CNNM1: variants seen among roughly 807,000 people sequenced by gnomAD.
The protein encoded by CNNM1 is cyclin and CBS domain divalent metal cation transport mediator 1, also known as metal transporter CNNM1.
CNNM1 carries 44 observed loss-of-function variants against 78.8 expected under a neutral mutation model. The ratio of observed to expected loss-of-function variants is 0.56; its 90% CI spans 0.44 to 0.72. The LOEUF is 0.72. CNNM1 is among the 30% of genes least tolerant of loss of function. The pLI, the probability that CNNM1 is intolerant of heterozygous loss-of-function variation, is 0.00. For missense variants in CNNM1, 1,101 were observed against 1,292.2 expected, an observed-to-expected ratio of 0.85 and a Z score of 2.27; for synonymous variants, 584 against 581.5, an observed-to-expected ratio of 1.00 and a Z score of -0.06.
intron 1 of CNNM1, among the ~76,000 whole-genome samples, chr10:99,341,095 A>G (rs564184718): frequency 2.6e-5 from 4 of 152,268 alleles, no homozygotes; most frequent in Middle Eastern, 3.4e-3. Flanking sequence ...CATATAATAG[A>G]TAGACTTGGT....
At chr10:99,346,617 T>G in intron 1 of CNNM1, among the ~76,000 whole-genome samples, 1 of 152,186 alleles carries the variant, frequency 6.6e-6, no homozygotes, top group East Asian at 1.9e-4. Context: ...TAATTGCCAC[T>G]GAACATCTCC....
intron 1 of CNNM1, among the ~76,000 whole-genome samples, chr10:99,351,469 C>T (rs1201215062): frequency 1.3e-5 from 2 of 152,104 alleles, no homozygotes; most frequent in Non-Finnish European, 2.9e-5. Flanking sequence ...AGCATTTGCC[C>T]AGAGAAAGAT....
Position 99,371,632 on chromosome 10 carries a change from T to C in CNNM1, c.2177-5423T>C, listed in dbSNP as rs575167630. On this transcript the variant is annotated intron_variant, in intron 6 of 10. Coordinates refer to ENST00000356713, the MANE Select transcript of CNNM1 (RefSeq NM_020348.3). Reference sequence around the variant, plus strand: ...CTTTGCAAAATGTGGTAAGTGGAAATATTCCTTCGGGTTGGCTCTTGTGTG... The same window carrying C: ...CTTTGCAAAATGTGGTAAGTGGAAACATTCCTTCGGGTTGGCTCTTGTGTG... 8.7e-4 allele frequency among the ~76,000 whole-genome samples: 133 copies of C among 152,166 alleles called. 3 individuals carry two copies. Among genetic ancestry groups the C allele is most frequent in the South Asian group, 1.7e-3 (8 of 4,826 alleles).
At chr10:99,330,984 C>T (rs571185899) in intron 1 of CNNM1, 24 bp downstream of exon 1, 2 of 1,583,948 alleles carry the variant, frequency 1.3e-6, no homozygotes, top group African/African-American at 2.7e-5. Flanking sequence ...TATCTTCTCC[C>T]CCAACTCCTA....
Position 99,365,544 on chromosome 10 carries a change from T to C in CNNM1, c.2176+542T>C, listed in dbSNP as rs571631179. Among the ~76,000 whole-genome samples, 117 of 152,306 alleles carry C rather than the reference T, an allele frequency of 7.7e-4. No homozygotes were observed. The South Asian group carries it at 0.012, about 16-fold the overall frequency. On this transcript the variant is annotated intron_variant, in intron 6 of 10. Transcript: ENST00000356713. ...GTATCTGCCAGCTGGCTGTGCATGCTGTTGGTGGGGGGCAGGCACAGGGCT... is the reference window on the plus strand; with the variant it reads ...GTATCTGCCAGCTGGCTGTGCATGCCGTTGGTGGGGGGCAGGCACAGGGCT...
intron 2 of CNNM1, among the ~76,000 whole-genome samples, chr10:99,358,935 G>A (rs2031325254): frequency 6.8e-6 from 1 of 147,900 alleles, no homozygotes; most frequent in South Asian, 2.2e-4. Flanking sequence ...GGAGGTCCTG[G>A]CTGCAGTGAG....
Position 99,394,192 on chromosome 10 carries a change from C to G in CNNM1, c.*2676C>G, listed in dbSNP as rs982119624. 1 of 152,374 alleles carries G rather than the reference C, an allele frequency of 6.6e-6. No individual in the cohort carries two copies. Among genetic ancestry groups the G allele is most frequent in the African/African-American group, 2.4e-5 (1 of 41,380 alleles). The allele number at this position is 152,374 out of a possible 1,614,324, so 9.4% of individuals were successfully genotyped here. On this transcript the variant is annotated 3_prime_UTR_variant, in exon 11 of 11. Transcript: ENST00000356713. ...CTATGGAGCCTGTCACCACTCCCCT[C>G]CCTATATACCCCCACCCCACAAAGA...
At chr10:99,384,279 T>C (rs1174633470) in intron 7 of CNNM1, among the ~76,000 whole-genome samples, 1 of 152,264 alleles carries the variant, frequency 6.6e-6, no homozygotes, top group Non-Finnish European at 1.5e-5. Flanking sequence ...CCTGGATACA[T>C]TGGCACCTTG....
chr10:99,330,275 C>T lies in CNNM1; in HGVS notation c.888C>T (p.Ala296=). Residue 296 remains alanine (A), a synonymous_variant, in exon 1 of 11, where the codon GCC becomes GCT. Transcript: ENST00000356713. The stretch of plus-strand genomic sequence containing the variant: ...TGGGCCAAGCCGGAGCCAACGCGGC[C>T]CTGGCTGGCTGGCTGTACACCTCGC... The part of the protein sequence containing the change: ...LLLGQAGANA[A]LAGWLYTSLP... 6 of 1,568,018 alleles carry T rather than the reference C, an allele frequency of 3.8e-6. No individual in the cohort carries two copies. The highest frequency in any genetic ancestry group is 2.6e-6 in the Non-Finnish European group (3 of 1,157,134).
At chr10:99,372,381 A>G (rs1564955363) in intron 6 of CNNM1, among the ~76,000 whole-genome samples, 1 of 152,170 alleles carries the variant, frequency 6.6e-6, no homozygotes, top group Non-Finnish European at 1.5e-5. Flanking sequence ...TCACCCGGTT[A>G]CACCTGAGCC....
chr10:99,387,924 C>T lies in CNNM1; in HGVS notation c.2445C>T (p.Ala815=), dbSNP rs1400137027. 1 of 1,613,612 alleles carries T rather than the reference C, an allele frequency of 6.2e-7. No homozygotes were observed. Among genetic ancestry groups the T allele is most frequent in the South Asian group, 1.1e-5 (1 of 90,964 alleles). ...TCACAGACGGGGACTCCACTAAGGC[C>T]CCCACAACCCGGGGCACACCCCAGA... ...EAFTDGDSTK[A]PTTRGTPQTP... is the part of the protein sequence containing the mutation. Residue 815 remains alanine, a synonymous_variant, in exon 8 of 11, where the codon GCC becomes GCT. Coordinates refer to ENST00000356713, the MANE Select transcript of CNNM1 (RefSeq NM_020348.3).
Position 99,360,865 on chromosome 10 carries a change from A to G in CNNM1, c.1748A>G (p.Gln583Arg), listed in dbSNP as rs1425661405. The G allele has an allele frequency of 6.2e-7, 1 of 1,611,602 alleles. No individual in the cohort carries two copies. Among genetic ancestry groups the G allele is most frequent in the Non-Finnish European group, 8.5e-7 (1 of 1,178,042 alleles). The change falls in exon 3 of 11, where the codon CAA (glutamine) becomes CGA (arginine). Residue 583 changes from glutamine to arginine, a missense_variant. Coordinates refer to ENST00000356713, the MANE Select transcript of CNNM1 (RefSeq NM_020348.3). Reference sequence around the variant, plus strand: ...AATCGGAAAAAGCAGAGGGTCCCGCAACGGGAGCGGAAGCGGCATGACTTC... The same window carrying G: ...AATCGGAAAAAGCAGAGGGTCCCGCGACGGGAGCGGAAGCGGCATGACTTC... The part of the protein sequence containing the change: ...TDNRKKQRVP[Q>R]RERKRHDFSL...
intron 1 of CNNM1, among the ~76,000 whole-genome samples, chr10:99,351,231 G>T (rs2030935040): frequency 6.6e-6 from 1 of 152,166 alleles, no homozygotes; most frequent in African/African-American, 2.4e-5. Flanking sequence ...GACCTCAAAT[G>T]TGCCAAGAGC....
At position 99,357,633 on chromosome 10, in the gene CNNM1, C is replaced by G; in HGVS notation, c.1695C>G (p.Ile565Met). 1.2e-6 allele frequency: 2 copies of G among 1,612,254 alleles called. No homozygotes were observed. Among genetic ancestry groups the G allele is most frequent in the Non-Finnish European group, 1.7e-6 (2 of 1,179,120 alleles). ...DIIEEIIKSE[I>M]LDETDLYTDN... Reference sequence around the variant, plus strand: ...TAGAGGAGATTATCAAGTCGGAGATCCTGGATGAAACTGATCTCTACAGTA... The same window carrying G: ...TAGAGGAGATTATCAAGTCGGAGATGCTGGATGAAACTGATCTCTACAGTA... The change falls in exon 2 of 11, where the codon ATC becomes ATG. Residue 565 changes from isoleucine (I) to methionine (M), a missense_variant. This residue lies in a region of CNNM1 where 277 missense variants were observed against 423.2 expected (regional missense o/e 0.65). Coordinates refer to ENST00000356713, the MANE Select transcript of CNNM1 (RefSeq NM_020348.3).
intron 7 of CNNM1, among the ~76,000 whole-genome samples, chr10:99,384,474 T>C (rs537492513): frequency 2.3e-4 from 35 of 152,156 alleles, no homozygotes; most frequent in Non-Finnish European, 4.9e-4. Flanking sequence ...GTGCAGACCC[T>C]CTCCAGCCCC....
intron 1 of CNNM1, among the ~76,000 whole-genome samples, chr10:99,336,715 C>T (rs1249306537): frequency 2.0e-5 from 3 of 152,274 alleles, no homozygotes; most frequent in South Asian, 2.1e-4. Context: ...TCCTGTAATC[C>T]GAGCACTTTG....
chr10:99,357,127 G>A lies in CNNM1; in HGVS notation c.1574-385G>A, dbSNP rs74523779. On this transcript the variant is annotated intron_variant, in intron 1 of 10. Transcript: ENST00000356713. ...TGATTTGTCAAGGAATAGTAACTGG[G>A]ATAGTTAGTGGGGAAGGGGGCTTAG... Among the ~76,000 whole-genome samples the A allele has an allele frequency of 2.7e-3, 415 of 152,278 alleles. 2 individuals carry two copies. The highest frequency in any genetic ancestry group is 9.6e-3 in the African/African-American group (397 of 41,556).
At chr10:99,349,123 A>G (rs1471557107) in intron 1 of CNNM1, among the ~76,000 whole-genome samples, 2 of 152,210 alleles carry the variant, frequency 1.3e-5, no homozygotes, top group African/African-American at 4.8e-5. Context: ...CTCAGTAAAG[A>G]GGTGATTGTG....
At chr10:99,391,046 C>A (rs946986614) in intron 10 of CNNM1, among the ~76,000 whole-genome samples, 2 of 152,244 alleles carry the variant, frequency 1.3e-5, no homozygotes, top group South Asian at 2.1e-4. Context: ...AGCCACCAAC[C>A]CTGATTCATG....
Sources: allele counts gnomAD v4.1 joint callset (sites outside exome capture counted in the v4.1 genomes callset), GRCh38; gene constraint gnomAD v4.1.1; regional missense constraint gnomAD v4.1.1; transcripts MANE v1.5; gene names NCBI Gene and HGNC (gene_info 2026-07-23, HGNC 2026-07-21).